ARSG: variants seen among roughly 807,000 people sequenced by gnomAD.
The protein encoded by ARSG is arylsulfatase G, also known as ASG.
Under a neutral mutation model 50.5 loss-of-function variants are expected in ARSG, and 37 were observed. The ratio of observed to expected loss-of-function variants is 0.73; its 90% CI spans 0.56 to 0.96. ARSG has a LOEUF of 0.96. Among genes scored for constraint, ARSG ranks in the 50% least tolerant of loss-of-function variants. The pLI, the probability that ARSG is intolerant of heterozygous loss-of-function variation, is 0.00. For synonymous variants in ARSG, 225 were observed against 254.6 expected, an observed-to-expected ratio of 0.88 and a Z score of 1.11; for missense variants, 629 against 675.3, an observed-to-expected ratio of 0.93 and a Z score of 0.76.
At position 68,378,669 on chromosome 17, in the gene ARSG, G is replaced by A. The variant is rs1268016915; in HGVS notation, c.983-6395G>A. On this transcript the variant is annotated intron_variant, in intron 8 of 11. Coordinates refer to ENST00000621439, the MANE Select transcript of ARSG (RefSeq NM_001267727.2). This position sits in a 1 kb window ranked among gnomAD's most constrained non-coding sequence, Gnocchi z 4.4. The stretch of plus-strand genomic sequence containing the variant: ...GCCTTCCCTTCTCCATGCCAGATCT[G>A]TTTCCTACCCAGGACAGAACCAACA... 6.6e-6 allele frequency among the ~76,000 whole-genome samples: 1 copy of A among 152,168 alleles called. No homozygotes were observed.
chr17:68,362,460 C>T lies in ARSG; in HGVS notation c.704+5656C>T, dbSNP rs562538408. 2.6e-5 allele frequency among the ~76,000 whole-genome samples: 4 copies of T among 152,226 alleles called. No individual in the cohort carries two copies. The South Asian group carries it at 8.3e-4, about 32-fold the overall frequency. On this transcript the variant is annotated intron_variant, in intron 6 of 11. Coordinates refer to ENST00000621439, the MANE Select transcript of ARSG (RefSeq NM_001267727.2). Reference sequence around the variant, plus strand: ...TCTGCCTTGTGTGGTCACCACACACCGTCCTCCAGGTCCCACTGTCTCAGG... The same window carrying T: ...TCTGCCTTGTGTGGTCACCACACACTGTCCTCCAGGTCCCACTGTCTCAGG...
At chr17:68,400,864 A>G (rs2081441601) in intron 10 of ARSG, among the ~76,000 whole-genome samples, 3 of 152,082 alleles carry the variant, frequency 2.0e-5, no homozygotes, top group Admixed American at 1.3e-4. Context: ...CCATCAATTA[A>G]CCAGCAAAAT....
At chr17:68,366,463 G>A (rs1437034866) in intron 6 of ARSG, among the ~76,000 whole-genome samples, 1 of 152,096 alleles carries the variant, frequency 6.6e-6, no homozygotes. Context: ...TGGAAATAAG[G>A]ACCCATTCAC....
chr17:68,354,013 C>G (rs1458099148), intron 5 of ARSG, among the ~76,000 whole-genome samples: 1 of 138,586 alleles, frequency 7.2e-6, no homozygotes, highest in Admixed American at 7.4e-5. Context: ...TCTTTTTCTT[C>G]TTCTTGTTCT....
intron 7 of ARSG, among the ~76,000 whole-genome samples, chr17:68,370,134 C>T (rs1027975264): frequency 6.6e-6 from 1 of 152,066 alleles, no homozygotes; most frequent in Admixed American, 6.6e-5. Context: ...TGCACCTCAG[C>T]CTACAGAGTA....
At chr17:68,324,054 C>T (rs1482072835) in intron 2 of ARSG, among the ~76,000 whole-genome samples, 5 of 104,636 alleles carry the variant, frequency 4.8e-5, no homozygotes, top group Non-Finnish European at 7.3e-5. Context: ...GCCTGGTTAA[C>T]AGAGCAAAAC....
chr17:68,277,932 C>G (rs1555751518), intron 1 of ARSG, among the ~76,000 whole-genome samples: 1 of 152,138 alleles, frequency 6.6e-6, no homozygotes, highest in African/African-American at 2.4e-5. Context: ...CTTGCCAATC[C>G]TCAATGCTCT....
At chr17:68,369,533 C>G (rs2079719908) in intron 7 of ARSG, among the ~76,000 whole-genome samples, 1 of 150,246 alleles carries the variant, frequency 6.7e-6, no homozygotes, top group Non-Finnish European at 1.5e-5. Flanking sequence ...GAGCAAGACT[C>G]TGTCTCAAAA....
chr17:68,328,609 C>T, intron 2 of ARSG, among the ~76,000 whole-genome samples: 1 of 152,234 alleles, frequency 6.6e-6, no homozygotes, highest in South Asian at 2.1e-4. Flanking sequence ...TGTAGCTCCC[C>T]AGCTAGCTCT....
intron 9 of ARSG, among the ~76,000 whole-genome samples, chr17:68,387,266 C>T (rs1345644076): frequency 6.6e-6 from 1 of 152,040 alleles, no homozygotes; most frequent in Non-Finnish European, 1.5e-5. Flanking sequence ...GTAGCTGGGA[C>T]TACAGGCATG....
chr17:68,272,899 G>A, intron 1 of ARSG: 1 of 1,068,538 alleles, frequency 9.4e-7, no homozygotes, highest in South Asian at 1.5e-5. Flanking sequence ...AATTCATTCT[G>A]GACAAAGGTG....
chr17:68,336,871 TAAAC>T (rs1403368049), intron 2 of ARSG, among the ~76,000 whole-genome samples: 1 of 151,870 alleles, frequency 6.6e-6, no homozygotes, highest in Non-Finnish European at 1.5e-5. Flanking sequence ...AATAAATAAA[TAAAC>T]AAATAAATAA....
chr17:68,310,492 G>GA (rs1443285961), intron 2 of ARSG, among the ~76,000 whole-genome samples: 1 of 152,124 alleles, frequency 6.6e-6, no homozygotes, highest in Non-Finnish European at 1.5e-5. Context: ...AGCTATTGCA[G>GA]ATTTTTGTTA....
chr17:68,377,846 C>A (rs1473931926), intron 8 of ARSG, among the ~76,000 whole-genome samples: 4 of 152,232 alleles, frequency 2.6e-5, no homozygotes, highest in African/African-American at 7.2e-5. Flanking sequence ...TGGGGCAAGG[C>A]CTTCCCAGTA....
rs77426762 is a variant in ARSG at position 68,353,189 on chromosome 17, C to T, written c.566+1503C>T. 4.2e-3 allele frequency among the ~76,000 whole-genome samples: 630 copies of T among 150,844 alleles called. 5 individuals are homozygous for T. The highest frequency in any genetic ancestry group is 0.014 in the African/African-American group (593 of 41,200). On this transcript the variant is annotated intron_variant, in intron 5 of 11. Transcript: ENST00000621439. Reference sequence around the variant, plus strand: ...GCGGTTTTTGCTGTTGAAAGTAAAACCACAATTACTTTTGCACCAACCTGA... The same window carrying T: ...GCGGTTTTTGCTGTTGAAAGTAAAATCACAATTACTTTTGCACCAACCTGA...
At chr17:68,434,856 G>A in the ARSG span, among the ~76,000 whole-genome samples, 39 of 150,794 alleles carry the variant, frequency 2.6e-4, no homozygotes, top group South Asian at 8.3e-4. Context: ...AAGGCTCTGC[G>A]TGTATGTGTG....
At chr17:68,291,194 T>C (rs2075972953), upstream of ARSG, 1 of 151,468 alleles carries the variant, frequency 6.6e-6, no homozygotes, top group South Asian at 2.1e-4. Context: ...ATTAACCCCT[T>C]AGGGGGCGGG....
chr17:68,331,829 A>G (rs1473550307), intron 2 of ARSG, among the ~76,000 whole-genome samples: 5 of 152,208 alleles, frequency 3.3e-5, no homozygotes, highest in Non-Finnish European at 7.3e-5. Context: ...TGATGCCCCC[A>G]AGCCACAAAA....
chr17:68,428,856 C>T, the ARSG span: 2 of 1,613,982 alleles, frequency 1.2e-6, no homozygotes, highest in African/African-American at 2.7e-5. Context: ...GACACACTCT[C>T]CTCCATCCTG....
Sources: gnomAD v4.1 joint callset for allele counts (sites outside exome capture counted in the v4.1 genomes callset) on GRCh38, gnomAD v4.1.1 for gene constraint, Gnocchi (gnomAD v3.1) non-coding constraint, MANE v1.5 for transcripts, NCBI Gene and HGNC (gene_info 2026-07-23, HGNC 2026-07-21) for gene names.